Variants in MMP16 observed in about 807,000 individuals in gnomAD.
MMP16 encodes the protein matrix metallopeptidase 16.
A neutral mutation model predicts 67.8 loss-of-function variants in MMP16; 12 were observed. The ratio of observed to expected loss-of-function variants is 0.18; its 90% CI spans 0.11 to 0.29. MMP16 has a LOEUF of 0.29. Ranked by LOEUF, MMP16 falls within the 10% of genes least tolerant of loss-of-function variation. The pLI is 1.00. For synonymous variants in MMP16, 249 were observed against 255.9 expected, an observed-to-expected ratio of 0.97 and a Z score of 0.26; for missense variants, 475 against 765.7, an observed-to-expected ratio of 0.62 and a Z score of 4.48.
At chr8:88,145,222 G>GTA (rs1808271402) in intron 4 of MMP16, among the ~76,000 whole-genome samples, 1 of 151,916 alleles carries the variant, frequency 6.6e-6, no homozygotes, top group Non-Finnish European at 1.5e-5. Flanking sequence ...AGGCTATATG[G>GTA]TATAGCCTGT....
intron 4 of MMP16, among the ~76,000 whole-genome samples, chr8:88,141,609 G>A (rs1004891823): frequency 1.3e-5 from 2 of 152,042 alleles, no homozygotes; most frequent in African/African-American, 2.4e-5. Flanking sequence ...ACTTAATAGA[G>A]GTACAGTGAT....
In MMP16 at chr8:88,186,495, G is replaced by A. The variant is rs1352791560; in HGVS notation, c.385C>T (p.His129Tyr). The stretch of plus-strand genomic sequence containing the variant: ...TTATACCTGTAAGTGATGTGCTTGT[G>A]CTGCCATTTCTGTCCTGTCAATGCA... ...RYALTGQKWQ[H>Y]KHITYSIKNV... Residue 129 changes from histidine to tyrosine, a missense_variant, in exon 3 of 10, where the codon CAC (histidine) becomes TAC (tyrosine). By Grantham distance (83) the His-to-Tyr change is moderately conservative. Coordinates refer to ENST00000286614, the MANE Select transcript of MMP16 (RefSeq NM_005941.5). The A allele has an allele frequency of 1.9e-6, 3 of 1,612,588 alleles. No homozygotes were observed. Among genetic ancestry groups the A allele is most frequent in the African/African-American group, 2.7e-5 (2 of 74,488 alleles).
At chr8:88,224,130 A>G (rs1180551857) in intron 1 of MMP16, among the ~76,000 whole-genome samples, 3 of 152,026 alleles carry the variant, frequency 2.0e-5, no homozygotes. Flanking sequence ...TGAACATATA[A>G]AACAGTTTCA....
intron 1 of MMP16, among the ~76,000 whole-genome samples, 199 bp from the exon 2 acceptor site, chr8:88,197,505 T>A (rs1244274655): frequency 6.6e-6 from 1 of 152,170 alleles, no homozygotes; most frequent in Admixed American, 6.6e-5. Flanking sequence ...CTGTTATGGA[T>A]CTTTTTGACA....
intron 8 of MMP16, 112 bp downstream of exon 8, chr8:88,056,016 G>A (rs1389285908): frequency 1.4e-6 from 1 of 728,198 alleles, no homozygotes; most frequent in Non-Finnish European, 2.0e-6. Flanking sequence ...ATTAACTCCT[G>A]TGTTAAATCC....
At chr8:88,275,658 C>A (rs1315724150) in intron 1 of MMP16, among the ~76,000 whole-genome samples, 1 of 150,966 alleles carries the variant, frequency 6.6e-6, no homozygotes, top group Non-Finnish European at 1.5e-5. Flanking sequence ...TGTTTATCTT[C>A]TTTTAAGGAT....
At chr8:88,158,802 T>G in intron 4 of MMP16, among the ~76,000 whole-genome samples, 1 of 152,254 alleles carries the variant, frequency 6.6e-6, no homozygotes, top group Non-Finnish European at 1.5e-5. Flanking sequence ...GTTTTAGGTC[T>G]AACATTTAAG....
intron 4 of MMP16, among the ~76,000 whole-genome samples, chr8:88,134,480 C>T (rs1325786722): frequency 6.6e-6 from 1 of 151,608 alleles, no homozygotes; most frequent in Non-Finnish European, 1.5e-5. Context: ...ATTTTCTACA[C>T]ACTTTATTTT....
intron 6 of MMP16, among the ~76,000 whole-genome samples, chr8:88,090,880 G>T (rs1315168754): frequency 6.6e-6 from 1 of 151,738 alleles, no homozygotes. Context: ...TTATCCTCAT[G>T]AATATAAGCA....
chr8:88,043,432 T>C (rs1294475540), intron 9 of MMP16, among the ~76,000 whole-genome samples: 1 of 152,114 alleles, frequency 6.6e-6, no homozygotes, highest in Admixed American at 6.6e-5. Context: ...TACAGGCATA[T>C]GCCACCATGC....
chr8:88,171,576 G>T (rs973572101), intron 3 of MMP16, among the ~76,000 whole-genome samples: 7 of 151,988 alleles, frequency 4.6e-5, no homozygotes, highest in African/African-American at 1.7e-4. Flanking sequence ...ATTTTGGATA[G>T]AATAAAGATA....
intron 6 of MMP16, among the ~76,000 whole-genome samples, chr8:88,098,991 T>A (rs1179939686): frequency 6.6e-6 from 1 of 151,798 alleles, no homozygotes; most frequent in Non-Finnish European, 1.5e-5. Context: ...AATTTTCCTA[T>A]ATTATGATAA....
chr8:88,082,296 G>C (rs757342222), intron 6 of MMP16, among the ~76,000 whole-genome samples: 18 of 152,146 alleles, frequency 1.2e-4, no homozygotes, highest in Middle Eastern at 3.4e-3. Context: ...TTGTAGGAAT[G>C]GGCATCCGTA....
intron 2 of MMP16, among the ~76,000 whole-genome samples, chr8:88,186,875 G>A (rs956573277): frequency 6.6e-6 from 1 of 151,670 alleles, no homozygotes; most frequent in Admixed American, 6.6e-5. Context: ...GCTAACTATA[G>A]ACAGAGGTAG....
intron 6 of MMP16, among the ~76,000 whole-genome samples, chr8:88,089,366 T>A (rs1409015659): frequency 6.6e-6 from 1 of 152,002 alleles, no homozygotes; most frequent in East Asian, 1.9e-4. Context: ...GGAGGACATA[T>A]CTTCTTGGTA....
At chr8:88,177,207 T>C (rs1189507160) in intron 3 of MMP16, among the ~76,000 whole-genome samples, 8 of 152,252 alleles carry the variant, frequency 5.3e-5, no homozygotes. Flanking sequence ...CATGTGTGTA[T>C]ATATTTCGTA....
intron 1 of MMP16, among the ~76,000 whole-genome samples, chr8:88,269,843 A>T (rs1810537861): frequency 6.6e-6 from 1 of 152,244 alleles, no homozygotes; most frequent in African/African-American, 2.4e-5. Flanking sequence ...AGAATTTCAA[A>T]GAAAAACCAG....
At chr8:88,103,611 G>A (rs1207529583) in intron 6 of MMP16, among the ~76,000 whole-genome samples, 3 of 151,660 alleles carry the variant, frequency 2.0e-5, no homozygotes, top group African/African-American at 7.3e-5. Flanking sequence ...GAATTTCCTT[G>A]AGATCTGTTT....
intron 7 of MMP16, among the ~76,000 whole-genome samples, chr8:88,073,935 C>T (rs1264761027): frequency 6.6e-6 from 1 of 152,148 alleles, no homozygotes; most frequent in Non-Finnish European, 1.5e-5. Context: ...CTCAATCTGC[C>T]TCTTGTCCCT....
Sources: allele counts gnomAD v4.1 joint callset (sites outside exome capture counted in the v4.1 genomes callset), GRCh38; gene constraint gnomAD v4.1.1; transcripts MANE v1.5; gene names NCBI Gene and HGNC (gene_info 2026-07-23, HGNC 2026-07-21).